MMP16: variants seen among roughly 807,000 people sequenced by gnomAD.
MMP16 encodes matrix metallopeptidase 16, also known as matrix metalloproteinase-16.
A neutral mutation model predicts 67.8 loss-of-function variants in MMP16; 12 were observed. The observed-to-expected ratio is 0.18, with a 90% CI of 0.11 to 0.29. MMP16 has a LOEUF of 0.29. Ranked by LOEUF, MMP16 falls within the 10% of genes least tolerant of loss-of-function variation. The pLI is 1.00. For missense variants in MMP16, 475 were observed against 765.7 expected (o/e 0.62, Z 4.48); for synonymous variants, 249 against 255.9 (o/e 0.97, Z 0.26).
At chr8:88,160,567 T>A (rs560676164) in intron 4 of MMP16, among the ~76,000 whole-genome samples, 56 of 152,014 alleles carry the variant, frequency 3.7e-4, no homozygotes, top group African/African-American at 1.3e-3. Flanking sequence ...GAAATGCAAA[T>A]CAAAACCATG....
intron 1 of MMP16, among the ~76,000 whole-genome samples, chr8:88,258,628 G>A (rs150340207): frequency 2.0e-4 from 30 of 152,310 alleles, no homozygotes; most frequent in African/African-American, 7.2e-4. Flanking sequence ...ACTGCCTGAT[G>A]CACTGTAAAT....
intron 5 of MMP16, among the ~76,000 whole-genome samples, chr8:88,117,282 G>A (rs1168751789): frequency 2.0e-5 from 3 of 151,984 alleles, no homozygotes; most frequent in Non-Finnish European, 2.9e-5. Flanking sequence ...CCTCTAAGTC[G>A]TGAATCTAAA....
intron 6 of MMP16, among the ~76,000 whole-genome samples, chr8:88,079,913 CAGAAATG>C (rs759740044): frequency 1.1e-4 from 17 of 152,292 alleles, no homozygotes; most frequent in Admixed American, 7.8e-4. Context: ...TCCCAGTCTC[CAGAAATG>C]TGAAGAGTAA....
At chr8:88,192,866 C>A (rs529298804) in intron 2 of MMP16, among the ~76,000 whole-genome samples, 1 of 152,036 alleles carries the variant, frequency 6.6e-6, no homozygotes, top group South Asian at 2.1e-4. Context: ...ATCATCCTAC[C>A]CCAGTTAAAC....
chr8:88,160,221 G>A (rs1220724565), intron 4 of MMP16, among the ~76,000 whole-genome samples: 1 of 151,820 alleles, frequency 6.6e-6, no homozygotes, highest in Non-Finnish European at 1.5e-5. Flanking sequence ...AACATGCGGT[G>A]TTTGGTTTTT....
intron 3 of MMP16, among the ~76,000 whole-genome samples, chr8:88,178,422 T>C (rs1197566037): frequency 3.3e-5 from 5 of 152,174 alleles, no homozygotes; most frequent in African/African-American, 9.7e-5. Context: ...TGAGCTGATA[T>C]TAGATTAAAC....
At chr8:88,156,014 T>A (rs561694291) in intron 4 of MMP16, among the ~76,000 whole-genome samples, 25 of 152,256 alleles carry the variant, frequency 1.6e-4, no homozygotes, top group Non-Finnish European at 4.4e-5. Context: ...ACAAATTTGT[T>A]ATGAGGAATA....
At chr8:88,239,294 C>CAAAAAAAAAAA (rs34599512) in intron 1 of MMP16, among the ~76,000 whole-genome samples, 1 of 80,532 alleles carries the variant, frequency 1.2e-5, no homozygotes, top group Non-Finnish European at 2.2e-5. Flanking sequence ...GACGCAGTCT[C>CAAAAAAAAAAA]AAAAAAAAAA....
intron 4 of MMP16, among the ~76,000 whole-genome samples, chr8:88,148,202 T>G (rs1808327072): frequency 6.6e-6 from 1 of 152,152 alleles, no homozygotes; most frequent in Admixed American, 6.5e-5. Flanking sequence ...ACTTGATGTC[T>G]GCTCAATTCT....
chr8:88,267,513 T>C (rs1563578696), intron 1 of MMP16, among the ~76,000 whole-genome samples: 1 of 152,220 alleles, frequency 6.6e-6, no homozygotes. Context: ...AAGAACCACA[T>C]CTGCCTTACT....
chr8:88,140,604 C>G (rs1390202234), intron 4 of MMP16, among the ~76,000 whole-genome samples: 3 of 152,084 alleles, frequency 2.0e-5, no homozygotes, highest in Non-Finnish European at 4.4e-5. Flanking sequence ...CTGGTTCCTG[C>G]TGTTGCTATG....
At chr8:88,168,708 C>A (rs1344127060) in intron 3 of MMP16, among the ~76,000 whole-genome samples, 1 of 151,884 alleles carries the variant, frequency 6.6e-6, no homozygotes, top group South Asian at 2.1e-4. Flanking sequence ...TTTTTCTAAA[C>A]AACAAAAATG....
intron 1 of MMP16, among the ~76,000 whole-genome samples, chr8:88,212,214 C>T (rs1026353568): frequency 6.6e-6 from 1 of 152,148 alleles, no homozygotes; most frequent in African/African-American, 2.4e-5. Context: ...GGTATGGACA[C>T]AGGCTTTAAG....
intron 2 of MMP16, among the ~76,000 whole-genome samples, chr8:88,187,086 T>G (rs997120474): frequency 2.6e-5 from 4 of 152,226 alleles, no homozygotes; most frequent in African/African-American, 9.6e-5. Context: ...AGCAGTCAAC[T>G]GTTTGTTCAA....
intron 4 of MMP16, among the ~76,000 whole-genome samples, chr8:88,128,858 C>T (rs1807980447): frequency 6.6e-6 from 1 of 151,660 alleles, no homozygotes; most frequent in African/African-American, 2.4e-5. Context: ...CTCATTTGGG[C>T]ACATAAACAG....
intron 6 of MMP16, among the ~76,000 whole-genome samples, chr8:88,096,532 G>A (rs1038295984): frequency 6.6e-6 from 1 of 150,662 alleles, no homozygotes; most frequent in African/African-American, 2.4e-5. Context: ...TTTGTCTTTC[G>A]TGTTTTAAAA....
At chr8:88,191,206 G>A (rs1447136551) in intron 2 of MMP16, among the ~76,000 whole-genome samples, 1 of 152,072 alleles carries the variant, frequency 6.6e-6, no homozygotes, top group African/African-American at 2.4e-5. Flanking sequence ...CAGGGATCCT[G>A]GTGCCATACT....
At chr8:88,212,444 T>C (rs1809527137) in intron 1 of MMP16, among the ~76,000 whole-genome samples, 1 of 152,120 alleles carries the variant, frequency 6.6e-6, no homozygotes, top group Non-Finnish European at 1.5e-5. Flanking sequence ...AGATAAAAAT[T>C]ATATATCTGT....
At chr8:88,053,238 G>C (rs981713942) in intron 8 of MMP16, among the ~76,000 whole-genome samples, 16 of 152,282 alleles carry the variant, frequency 1.1e-4, no homozygotes, top group African/African-American at 3.8e-4. Flanking sequence ...AGGGTATCTA[G>C]ATTTTGGTAG....
Sources: allele counts gnomAD v4.1 joint callset (sites outside exome capture counted in the v4.1 genomes callset), GRCh38; gene constraint gnomAD v4.1.1; transcripts MANE v1.5; gene names NCBI Gene and HGNC (gene_info 2026-07-23, HGNC 2026-07-21).